Variants in CTNNA3 observed in about 807,000 individuals in gnomAD.
The protein encoded by CTNNA3 is catenin alpha-3.
A neutral mutation model predicts 95.7 loss-of-function variants in CTNNA3; 76 were observed. The ratio of observed to expected loss-of-function variants is 0.79; its 90% confidence interval spans 0.66 to 0.96. The LOEUF is 0.96. Ranked by LOEUF, CTNNA3 falls within the 40% of genes least tolerant of loss-of-function variation. The pLI is 0.00. For synonymous variants in CTNNA3, 431 were observed against 374.4 expected, an observed-to-expected ratio of 1.15 and a Z score of -1.74; for missense variants, 1,191 against 1,089.8, an observed-to-expected ratio of 1.09 and a Z score of -1.31.
chr10:67,511,311 A>T (rs755790475), intron 5 of CTNNA3, among the ~76,000 whole-genome samples: 4 of 152,218 alleles, frequency 2.6e-5, no homozygotes, highest in Non-Finnish European at 4.4e-5. Context: ...TTGCCCAGTC[A>T]GTATGATATT....
At chr10:67,407,338 T>C (rs754070009) in intron 5 of CTNNA3, among the ~76,000 whole-genome samples, 1 of 152,264 alleles carries the variant, frequency 6.6e-6, no homozygotes, top group Non-Finnish European at 1.5e-5. Context: ...TCTCAACAGA[T>C]GCAGGAAAGG....
intron 10 of CTNNA3, among the ~76,000 whole-genome samples, chr10:66,534,706 CATTT>C (rs1213200577): frequency 6.7e-6 from 1 of 149,746 alleles, no homozygotes; most frequent in Non-Finnish European, 1.5e-5. Context: ...TAAATTATAT[CATTT>C]ATAATAATTT....
At chr10:67,538,157 TAAA>T (rs1176919938) in intron 4 of CTNNA3, among the ~76,000 whole-genome samples, 3 of 59,188 alleles carry the variant, frequency 5.1e-5, no homozygotes, top group African/African-American at 2.2e-4. Context: ...CTACTTAAAC[TAAA>T]AAAAAAAAAA....
At chr10:67,639,055 T>G (rs933021753) in intron 2 of CTNNA3, among the ~76,000 whole-genome samples, 2 of 152,066 alleles carry the variant, frequency 1.3e-5, no homozygotes, top group East Asian at 1.9e-4. Context: ...CTTCAAAAAA[T>G]TAATGAATCC....
chr10:66,219,047 G>A (rs563663914), intron 13 of CTNNA3, among the ~76,000 whole-genome samples: 4 of 152,280 alleles, frequency 2.6e-5, no homozygotes, highest in African/African-American at 9.6e-5. Context: ...TGTTGGTTAT[G>A]TGGGAACAGA....
chr10:66,663,800 T>C (rs1846345685), intron 9 of CTNNA3, among the ~76,000 whole-genome samples: 1 of 152,160 alleles, frequency 6.6e-6, no homozygotes, highest in South Asian at 2.1e-4. Flanking sequence ...GAAAAGATTG[T>C]CCTTTAGAAT....
chr10:66,323,497 A>G (rs2092216738), intron 12 of CTNNA3, among the ~76,000 whole-genome samples: 2 of 151,732 alleles, frequency 1.3e-5, no homozygotes. Context: ...TACAAAAAAT[A>G]AAAATTAGCT....
chr10:66,160,991 A>C (rs924203464), intron 13 of CTNNA3, among the ~76,000 whole-genome samples: 3 of 152,178 alleles, frequency 2.0e-5, no homozygotes, highest in Admixed American at 1.3e-4. Flanking sequence ...GTGATATAAG[A>C]ATAGTTACCC....
chr10:66,025,279 G>T (rs10996834), intron 15 of CTNNA3, among the ~76,000 whole-genome samples: 27,235 of 152,108 alleles, frequency 0.18, 2,682 homozygotes, highest in Admixed American at 0.25. Flanking sequence ...ACTTGGCAGA[G>T]AAAAACTTTG....
At chr10:66,446,598 G>C (rs2093423567) in intron 11 of CTNNA3, among the ~76,000 whole-genome samples, 1 of 151,984 alleles carries the variant, frequency 6.6e-6, no homozygotes. Context: ...AATAGATGCA[G>C]AAAAGGCCTT....
intron 7 of CTNNA3, among the ~76,000 whole-genome samples, chr10:66,861,366 C>G (rs542704358): frequency 6.6e-6 from 1 of 152,182 alleles, no homozygotes; most frequent in Non-Finnish European, 1.5e-5. Flanking sequence ...CCAGTTTCCC[C>G]CACATCCCAA....
chr10:66,558,269 A>T (rs764350606), intron 10 of CTNNA3, among the ~76,000 whole-genome samples: 3 of 152,078 alleles, frequency 2.0e-5, no homozygotes, highest in Admixed American at 2.0e-4. Context: ...CCGGTTGCCA[A>T]CTCCAATCTT....
At chr10:66,352,320 A>T (rs1414821926) in intron 12 of CTNNA3, among the ~76,000 whole-genome samples, 1 of 152,116 alleles carries the variant, frequency 6.6e-6, no homozygotes, top group Non-Finnish European at 1.5e-5. Flanking sequence ...GGGAAGGAAC[A>T]TACACAATGA....
chr10:66,211,966 G>A (rs533930319), intron 13 of CTNNA3, among the ~76,000 whole-genome samples: 23 of 148,160 alleles, frequency 1.6e-4, no homozygotes, highest in Middle Eastern at 3.5e-3. Flanking sequence ...TGCAGTCATA[G>A]CAACTATTGT....
intron 7 of CTNNA3, among the ~76,000 whole-genome samples, chr10:67,053,464 A>G (rs1398418018): frequency 6.6e-6 from 1 of 152,218 alleles, no homozygotes. Flanking sequence ...ATTTTAGATT[A>G]TATTTGCCAG....
At position 65,917,208 on chromosome 10, in the gene CTNNA3, C is replaced by T. The variant is rs1322105947; in HGVS notation, c.*3122G>A. On this transcript the variant is annotated 3_prime_UTR_variant, in exon 18 of 18. Coordinates refer to ENST00000433211, the MANE Select transcript of CTNNA3 (RefSeq NM_013266.4). ...GAAGGCTATATTGTCTTTTCTAATACATTTGCAATTTGCACTCATATAATA... is the reference window on the plus strand; with the variant it reads ...GAAGGCTATATTGTCTTTTCTAATATATTTGCAATTTGCACTCATATAATA... 1 of 152,140 alleles carries T rather than the reference C, an allele frequency of 6.6e-6. No homozygotes were observed. Among genetic ancestry groups the T allele is most frequent in the Non-Finnish European group, 1.5e-5 (1 of 68,020 alleles). 9.4% of individuals were successfully genotyped at this position (152,140 alleles called of 1,614,324 possible).
chr10:67,362,050 A>G (rs1052399650), intron 5 of CTNNA3, among the ~76,000 whole-genome samples: 2 of 152,092 alleles, frequency 1.3e-5, no homozygotes, highest in African/African-American at 4.8e-5. Flanking sequence ...GAAACACACA[A>G]CTTCCCAAGA....
chr10:65,973,733 G>C (rs561314891), intron 16 of CTNNA3, among the ~76,000 whole-genome samples: 14 of 152,182 alleles, frequency 9.2e-5, no homozygotes, highest in Admixed American at 2.0e-4. Context: ...GACGTGGGGA[G>C]AACAGGAGCA....
chr10:66,626,849 G>C (rs975451560), intron 9 of CTNNA3, among the ~76,000 whole-genome samples: 1 of 151,906 alleles, frequency 6.6e-6, no homozygotes, highest in Non-Finnish European at 1.5e-5. Flanking sequence ...AGAGGTGTAA[G>C]GACTGTATAA....
Sources: gnomAD v4.1 joint callset for allele counts (sites outside exome capture counted in the v4.1 genomes callset) on GRCh38, gnomAD v4.1.1 for gene constraint, MANE v1.5 for transcripts, NCBI Gene and HGNC (gene_info 2026-07-23, HGNC 2026-07-21) for gene names.